Variants in OTUD5 observed in about 807,000 individuals in gnomAD.
OTUD5 encodes OTU domain-containing protein 5.
In OTUD5, 2 loss-of-function variants were observed where a neutral mutation model predicts 36.3. That is an observed-to-expected ratio of 0.06 (90% confidence interval 0.02 to 0.17). OTUD5 has a LOEUF of 0.17. Among genes scored for constraint, OTUD5 ranks in the 10% least tolerant of loss-of-function variants. The pLI is 1.00. For missense variants in OTUD5, 233 were observed against 512.3 expected, an observed-to-expected ratio of 0.45 and a Z score of 5.26; for synonymous variants, 234 against 214.9, an observed-to-expected ratio of 1.09 and a Z score of -0.78.
intron 1 of OTUD5, among the ~76,000 whole-genome samples, chrX:48,948,130 C>G (rs1259372427): frequency 8.9e-6 from 1 of 112,657 alleles, no homozygotes; most frequent in African/African-American, 3.2e-5. Flanking sequence ...GAAGGATCAT[C>G]TGAGGTTAGG....
chrX:48,930,272 G>A (rs1004252438), intron 5 of OTUD5, among the ~76,000 whole-genome samples: 2 of 111,898 alleles, frequency 1.8e-5, no homozygotes, highest in Admixed American at 9.5e-5. Flanking sequence ...CGGGGGTACG[G>A]GTGAACAAGT....
Position 48,944,182 on chromosome X carries a change from A to C in OTUD5, c.688+8T>G. 8.5e-7 allele frequency: 1 copy of C among 1,178,106 alleles called. No homozygotes were observed. On this transcript the variant is annotated splice_region_variant and intron_variant, in intron 2 of 8. Coordinates refer to ENST00000376488, the MANE Select transcript of OTUD5 (RefSeq NM_001136157.2). ...CCTAGGCCCTTAAGGACTAAGGCAG[A>C]GACTCACCTACAGCCCGGAAGAGAC...
At chrX:48,937,418 G>C (rs2063845838) in intron 2 of OTUD5, among the ~76,000 whole-genome samples, 1 of 112,326 alleles carries the variant, frequency 8.9e-6, no homozygotes, top group Non-Finnish European at 1.9e-5. Flanking sequence ...GAGATAGGCT[G>C]AGGTGCTGGA....
intron 1 of OTUD5, 33 bp downstream of exon 1, chrX:48,956,944 G>C (rs1557055505): frequency 6.3e-6 from 7 of 1,105,140 alleles, no homozygotes; most frequent in Non-Finnish European, 7.1e-6. Flanking sequence ...CCCATCTGCC[G>C]TGGCCGCTCA....
At chrX:48,925,642 C>A (rs1321131495) in intron 6 of OTUD5, among the ~76,000 whole-genome samples, 2 of 112,890 alleles carry the variant, frequency 1.8e-5, no homozygotes, top group African/African-American at 3.2e-5. Flanking sequence ...GCCCTCCTCT[C>A]ACTCCTTAAG....
chrX:48,924,772 C>T (rs2063637591), intron 6 of OTUD5, among the ~76,000 whole-genome samples: 2 of 112,157 alleles, frequency 1.8e-5, no homozygotes, highest in African/African-American at 3.2e-5. Flanking sequence ...CGTGAACGCA[C>T]ATTCCTGCTC....
Position 48,929,402 on chromosome X carries a change from TAAATA to T in OTUD5, c.1060-3357_1060-3353del, listed in dbSNP as rs1167976527. On this transcript the variant is annotated intron_variant, in intron 5 of 8. Transcript: ENST00000376488. Reference sequence around the variant, plus strand: ...GACTCTGTCTCAAAAAATAAATAAATAAATAAAATAAAATAAAATAAAAATTAGGA... The same window carrying T: ...GACTCTGTCTCAAAAAATAAATAAATAAATAAAATAAAATAAAAATTAGGA... Among the ~76,000 whole-genome samples, 285 of 99,019 alleles carry T rather than the reference TAAATA, an allele frequency of 2.9e-3. 2 individuals are homozygous for T. Among genetic ancestry groups the T allele is most frequent in the African/African-American group, 0.01 (266 of 26,499 alleles). 86.0% of individuals were successfully genotyped at this position (99,019 alleles called of 115,157 possible).
chrX:48,953,020 G>A (rs191364657), intron 1 of OTUD5, among the ~76,000 whole-genome samples: 35 of 112,236 alleles, frequency 3.1e-4, no homozygotes, highest in Non-Finnish European at 5.1e-4. Flanking sequence ...AGACACACCT[G>A]GGCATGGACA....
chrX:48,934,121 G>A (rs782562492), intron 5 of OTUD5, among the ~76,000 whole-genome samples: 3 of 111,256 alleles, frequency 2.7e-5, no homozygotes, highest in East Asian at 5.7e-4. Context: ...TGTGACCATG[G>A]CTGTCTGTAA....
chrX:48,925,758 A>C, intron 6 of OTUD5, 89 bp downstream of exon 6: 1 of 779,271 alleles, frequency 1.3e-6, no homozygotes, highest in Non-Finnish European at 1.9e-6. Flanking sequence ...CAGATGTCAA[A>C]ACTGCTTAAT....
chrX:48,957,995 GC>G (rs1341318732), upstream of OTUD5: 4 of 165,174 alleles, frequency 2.4e-5, no homozygotes, highest in African/African-American at 1.2e-4. Flanking sequence ...GCACAGCCCC[GC>G]CCCTTACTCG....
At position 48,951,003 on chromosome X, in the gene OTUD5, C is replaced by T. The variant is rs932335023; in HGVS notation, c.594+5974G>A. Among the ~76,000 whole-genome samples, 8 of 110,638 alleles carry T rather than the reference C, an allele frequency of 7.2e-5. 1 individual carries two copies. The highest frequency in any genetic ancestry group is 7.6e-4 in the South Asian group (2 of 2,637). ...GTGTGAGACAATATGGCATGGATCCCGCTCTGCAAGGTCCACCTGCCTACC... is the reference window on the plus strand; with the variant it reads ...GTGTGAGACAATATGGCATGGATCCTGCTCTGCAAGGTCCACCTGCCTACC... On this transcript the variant is annotated intron_variant, in intron 1 of 8. Coordinates refer to ENST00000376488, the MANE Select transcript of OTUD5 (RefSeq NM_001136157.2).
chrX:48,930,345 G>A (rs1485820523), intron 5 of OTUD5, among the ~76,000 whole-genome samples: 3 of 111,877 alleles, frequency 2.7e-5, no homozygotes, highest in Non-Finnish European at 3.8e-5. Flanking sequence ...AGGAACCAGT[G>A]CATATACATC....
chrX:48,956,523 C>T (rs2064243924), intron 1 of OTUD5, among the ~76,000 whole-genome samples: 3 of 111,576 alleles, frequency 2.7e-5, no homozygotes, highest in African/African-American at 9.8e-5. Context: ...CAGCCCCGAT[C>T]TCCGAGGTCT....
chrX:48,928,001 TG>T (rs1260391252), intron 5 of OTUD5, among the ~76,000 whole-genome samples: 1 of 112,541 alleles, frequency 8.9e-6, no homozygotes, highest in Non-Finnish European at 1.9e-5. Context: ...GCTATACAGA[TG>T]GCAAATAAGC....
At chrX:48,953,793 AG>A (rs782690885) in intron 1 of OTUD5, among the ~76,000 whole-genome samples, 1 of 111,299 alleles carries the variant, frequency 9.0e-6, no homozygotes, top group East Asian at 2.8e-4. Context: ...AGACTCCTAA[AG>A]GAAGTAGGGA....
rs1557055560 is a variant in OTUD5, at chrX:48,957,023, G to A, written c.548C>T (p.Ala183Val). ...AGYNSEDEYE[A>V]AAARIEAMDP... ...CATAGCCTCGATGCGTGCTGCAGCCGCCTCATACTCGTCCTCACTGTTGTA... is the reference window on the plus strand; with the variant it reads ...CATAGCCTCGATGCGTGCTGCAGCCACCTCATACTCGTCCTCACTGTTGTA... The change falls in exon 1 of 9, where the codon GCG becomes GTG. Residue 183 changes from alanine (A) to valine (V), a missense_variant. Ala to Val is a moderately conservative substitution (Grantham distance 64). This residue lies in a region of OTUD5 where 155 missense variants were observed against 217.2 expected (regional missense o/e 0.71). Transcript: ENST00000376488. The A allele has an allele frequency of 4.2e-6, 5 of 1,199,166 alleles. No individual in the cohort carries two copies. The highest frequency in any genetic ancestry group is 1.8e-5 in the South Asian group (1 of 54,978).
intron 2 of OTUD5, among the ~76,000 whole-genome samples, chrX:48,943,918 TCAAAGAGG>T (rs1557051718): frequency 9.8e-5 from 11 of 112,170 alleles, no homozygotes; most frequent in Non-Finnish European, 1.9e-4. Context: ...TAGAGGGGAA[TCAAAGAGG>T]TTTCCTGTAG....
At chrX:48,956,309 G>C (rs900323107) in intron 1 of OTUD5, among the ~76,000 whole-genome samples, 1 of 32,551 alleles carries the variant, frequency 3.1e-5, no homozygotes, top group Non-Finnish European at 1.1e-4. Context: ...TCCTTAAAGG[G>C]GGCGTGTGTG....
Sources: gnomAD v4.1 joint callset for allele counts (sites outside exome capture counted in the v4.1 genomes callset) on GRCh38, gnomAD v4.1.1 for gene constraint, gnomAD v4.1.1 regional missense constraint, MANE v1.5 for transcripts, NCBI Gene and HGNC (gene_info 2026-07-23, HGNC 2026-07-21) for gene names.